Variants in CEP128 observed in about 807,000 individuals in gnomAD.
The protein encoded by CEP128 is centrosomal protein 128kDa.
CEP128 carries 132 observed loss-of-function variants against 156.7 expected under a neutral mutation model. The observed-to-expected ratio is 0.84, with a 90% CI of 0.73 to 0.97. The LOEUF is 0.97. Among genes scored for constraint, CEP128 ranks in the 50% least tolerant of loss-of-function variants. CEP128 has a pLI of 0.00. For synonymous variants in CEP128, 469 were observed against 448.9 expected (o/e 1.04, Z -0.57); for missense variants, 1,252 against 1,281.9 (o/e 0.98, Z 0.36).
chr14:80,656,289 A>ATATATATTTT (rs1566837825), intron 19 of CEP128, among the ~76,000 whole-genome samples: 2 of 14,344 alleles, frequency 1.4e-4, no homozygotes, highest in African/African-American at 6.5e-4. Context: ...TTATATATAT[A>ATATATATTTT]TTTATATATA....
intron 16 of CEP128, among the ~76,000 whole-genome samples, chr14:80,774,740 G>C (rs940163064): frequency 6.6e-6 from 1 of 152,090 alleles, no homozygotes; most frequent in South Asian, 2.1e-4. Context: ...ATGGAAATAT[G>C]ACCAAGGTGT....
chr14:80,505,074 C>T, intron 23 of CEP128, 54 bp from the exon 24 acceptor site: 2 of 770,540 alleles, frequency 2.6e-6, no homozygotes, highest in Non-Finnish European at 4.1e-6. Flanking sequence ...TGGACCAAGG[C>T]TCATTTAAAC....
chr14:80,805,308 GTATAGTCA>G (rs1298814639), intron 13 of CEP128, among the ~76,000 whole-genome samples: 1 of 152,072 alleles, frequency 6.6e-6, no homozygotes, highest in Non-Finnish European at 1.5e-5. Flanking sequence ...TAGTCATACA[GTATAGTCA>G]TACTGTATGC....
intron 4 of CEP128, among the ~76,000 whole-genome samples, chr14:80,910,902 T>C (rs147060200): frequency 8.5e-4 from 130 of 152,288 alleles, no homozygotes; most frequent in African/African-American, 2.8e-3. Flanking sequence ...CAAGAAGATG[T>C]AGGAAACCAA....
intron 19 of CEP128, among the ~76,000 whole-genome samples, chr14:80,674,573 T>C (rs1895986721): frequency 6.6e-6 from 1 of 152,122 alleles, no homozygotes; most frequent in Non-Finnish European, 1.5e-5. Context: ...CTTTATTAAG[T>C]TTTAGAAAAC....
intron 19 of CEP128, among the ~76,000 whole-genome samples, chr14:80,627,523 T>C (rs1893780485): frequency 6.6e-6 from 1 of 152,206 alleles, no homozygotes; most frequent in African/African-American, 2.4e-5. Flanking sequence ...TAACATTTGG[T>C]GGCTAATTTC....
At chr14:80,735,197 T>C (rs1898471881) in intron 19 of CEP128, among the ~76,000 whole-genome samples, 1 of 152,080 alleles carries the variant, frequency 6.6e-6, no homozygotes, top group Admixed American at 6.6e-5. Context: ...CAAGTCAAAA[T>C]AAAAGGATAA....
At chr14:80,932,191 T>C (rs552621499) in intron 2 of CEP128, among the ~76,000 whole-genome samples, 9 of 152,244 alleles carry the variant, frequency 5.9e-5, no homozygotes, top group Non-Finnish European at 1.3e-4. Flanking sequence ...TCCGCAGCCA[T>C]GCGGAACTAT....
chr14:80,825,995 A>T (rs1297146029), intron 13 of CEP128, among the ~76,000 whole-genome samples: 1 of 151,432 alleles, frequency 6.6e-6, no homozygotes. Flanking sequence ...AATCCCAGCT[A>T]CTCAGGATGC....
At chr14:80,776,364 A>G (rs1235749765) in intron 16 of CEP128, among the ~76,000 whole-genome samples, 1 of 151,810 alleles carries the variant, frequency 6.6e-6, no homozygotes, top group Non-Finnish European at 1.5e-5. Flanking sequence ...ATAGAACTAA[A>G]TGACAGCTGT....
At chr14:80,616,393 AT>A (rs965713647) in intron 19 of CEP128, among the ~76,000 whole-genome samples, 2 of 152,126 alleles carry the variant, frequency 1.3e-5, no homozygotes, top group Non-Finnish European at 2.9e-5. Context: ...TATTTTCCCC[AT>A]TTTACAGGGG....
At chr14:80,894,469 T>A in intron 8 of CEP128, 1 of 369,784 alleles carries the variant, frequency 2.7e-6, no homozygotes, top group South Asian at 2.1e-5. Flanking sequence ...TTGAAGTATG[T>A]GATGTTTTAG....
intron 8 of CEP128, among the ~76,000 whole-genome samples, chr14:80,886,726 G>A (rs538847243): frequency 2.0e-5 from 3 of 152,208 alleles, no homozygotes; most frequent in South Asian, 2.1e-4. Context: ...ATTAACTAAC[G>A]GGCAAAATAA....
chr14:80,892,722 T>C (rs1889160779), intron 8 of CEP128, among the ~76,000 whole-genome samples: 1 of 151,904 alleles, frequency 6.6e-6, no homozygotes, highest in Non-Finnish European at 1.5e-5. Flanking sequence ...TAATCCAATT[T>C]TTTTAAACAG....
At chr14:80,560,314 A>C (rs1476323029) in intron 20 of CEP128, among the ~76,000 whole-genome samples, 1 of 152,128 alleles carries the variant, frequency 6.6e-6, no homozygotes, top group Admixed American at 6.5e-5. Context: ...AATCCCACCT[A>C]CTCAGGAGGC....
In CEP128 at chr14:80,836,752, C is replaced by T. The variant is rs530418919; in HGVS notation, c.925-415G>A. Among the ~76,000 whole-genome samples, 141 of 152,236 alleles carry T rather than the reference C, an allele frequency of 9.3e-4. 1 individual carries two copies. The highest frequency in any genetic ancestry group is 3.3e-3 in the African/African-American group (136 of 41,552). On this transcript the variant is annotated intron_variant, in intron 11 of 24. Transcript: ENST00000555265. The stretch of plus-strand genomic sequence containing the variant: ...AGCATATTTTGATACTAAAATCATG[C>T]TCAAAATAAGTATGTAATAGATGCT...
At chr14:80,533,662 C>A (rs1219550045) in intron 21 of CEP128, among the ~76,000 whole-genome samples, 1 of 152,080 alleles carries the variant, frequency 6.6e-6, no homozygotes, top group African/African-American at 2.4e-5. Flanking sequence ...ATTCTCCCCT[C>A]CCTTGCCATC....
chr14:80,736,875 A>AT (rs1480622842), intron 19 of CEP128, among the ~76,000 whole-genome samples: 2 of 152,206 alleles, frequency 1.3e-5, no homozygotes, highest in African/African-American at 4.8e-5. Flanking sequence ...CCCTAGGCAT[A>AT]TCGTTAATTT....
At chr14:80,681,768 CT>C (rs1896334164) in intron 19 of CEP128, among the ~76,000 whole-genome samples, 1 of 152,176 alleles carries the variant, frequency 6.6e-6, no homozygotes, top group Non-Finnish European at 1.5e-5. Context: ...AATTAAATCT[CT>C]TTTCTTTATA....
Sources: gnomAD v4.1 joint callset for allele counts (sites outside exome capture counted in the v4.1 genomes callset) on GRCh38, gnomAD v4.1.1 for gene constraint, MANE v1.5 for transcripts, NCBI Gene and HGNC (gene_info 2026-07-23, HGNC 2026-07-21) for gene names.